RAD51B: variants seen among roughly 807,000 people sequenced by gnomAD.
RAD51B encodes the protein RAD51 paralog B.
In RAD51B, 38 loss-of-function variants were observed where a neutral mutation model predicts 42.2. That is an observed-to-expected ratio of 0.90 (90% CI 0.70 to 1.18). RAD51B has a LOEUF of 1.18. Among genes scored for constraint, RAD51B ranks in the 50% most tolerant of loss-of-function variants. RAD51B has a pLI of 0.00. For missense variants in RAD51B, 373 were observed against 400.7 expected (o/e 0.93, Z 0.59); for synonymous variants, 154 against 145.2 (o/e 1.06, Z -0.43).
chr14:68,482,780 G>A (rs1197818535), downstream of RAD51B, among the ~76,000 whole-genome samples: 4 of 152,108 alleles, frequency 2.6e-5, no homozygotes, highest in Admixed American at 2.0e-4. Context: ...GTGAGGGCAG[G>A]GTTCAGATGG....
intron 8 of RAD51B, among the ~76,000 whole-genome samples, chr14:68,368,110 G>C (rs1374560178): frequency 6.6e-6 from 1 of 152,200 alleles, no homozygotes; most frequent in Non-Finnish European, 1.5e-5. Flanking sequence ...TATTGCTAAA[G>C]CTAGGTAGAG....
At chr14:68,278,145 G>A (rs1485436878) in intron 7 of RAD51B, among the ~76,000 whole-genome samples, 1 of 152,192 alleles carries the variant, frequency 6.6e-6, no homozygotes, top group Non-Finnish European at 1.5e-5. Context: ...GGCAATACTA[G>A]TTGCCCTAGA....
intron 4 of RAD51B, among the ~76,000 whole-genome samples, chr14:67,839,926 G>T (rs2140306655): frequency 6.6e-6 from 1 of 151,736 alleles, no homozygotes; most frequent in South Asian, 2.1e-4. Context: ...TGTATCATTT[G>T]GAATTTTAAA....
intron 8 of RAD51B, among the ~76,000 whole-genome samples, chr14:68,304,622 A>G (rs1243681412): frequency 6.6e-6 from 1 of 152,248 alleles, no homozygotes; most frequent in East Asian, 1.9e-4. Flanking sequence ...GTGTGTTTTA[A>G]CAGAAGCTGA....
At chr14:68,236,789 C>T (rs1230060733) in intron 7 of RAD51B, among the ~76,000 whole-genome samples, 1 of 152,144 alleles carries the variant, frequency 6.6e-6, no homozygotes, top group Non-Finnish European at 1.5e-5. Context: ...TTCTCTGAAA[C>T]GCAAACATGT....
chr14:68,388,117 G>A (rs2083648048), intron 8 of RAD51B, among the ~76,000 whole-genome samples: 1 of 137,568 alleles, frequency 7.3e-6, no homozygotes, highest in East Asian at 2.1e-4. Flanking sequence ...TTTAATTGAG[G>A]CAGCCTCTCT....
At chr14:67,968,810 T>A (rs771345915) in intron 7 of RAD51B, among the ~76,000 whole-genome samples, 1 of 152,212 alleles carries the variant, frequency 6.6e-6, no homozygotes, top group Non-Finnish European at 1.5e-5. Flanking sequence ...CTTCCAAAGT[T>A]GCTTCCACAT....
At chr14:67,968,161 G>A (rs1175774740) in intron 7 of RAD51B, among the ~76,000 whole-genome samples, 1 of 152,188 alleles carries the variant, frequency 6.6e-6, no homozygotes, top group Non-Finnish European at 1.5e-5. Context: ...GGGATGCAGG[G>A]CACCAAGTCC....
chr14:68,042,570 T>G (rs2076234141), intron 7 of RAD51B, among the ~76,000 whole-genome samples: 2 of 152,220 alleles, frequency 1.3e-5, no homozygotes, highest in African/African-American at 4.8e-5. Context: ...TGAAGGGTTT[T>G]TTTTCCTTTC....
At chr14:67,925,502 A>T (rs1469366047) in intron 7 of RAD51B, among the ~76,000 whole-genome samples, 1 of 151,988 alleles carries the variant, frequency 6.6e-6, no homozygotes, top group Non-Finnish European at 1.5e-5. Flanking sequence ...CGAACTCCTG[A>T]CCTTGTGATC....
chr14:67,962,131 T>C (rs2074682928), intron 7 of RAD51B, among the ~76,000 whole-genome samples: 1 of 152,164 alleles, frequency 6.6e-6, no homozygotes, highest in Non-Finnish European at 1.5e-5. Context: ...ACTAAAAATT[T>C]AATGGTTTGG....
At chr14:68,571,424 T>C (rs2525506) in intron 10 of RAD51B, among the ~76,000 whole-genome samples, 10,723 of 152,224 alleles carry the variant, frequency 0.07, 437 homozygotes, top group African/African-American at 0.11. Flanking sequence ...TGTTGTCTTG[T>C]TTTTTCCAGC....
At chr14:68,003,480 C>T (rs1355587979) in intron 7 of RAD51B, among the ~76,000 whole-genome samples, 3 of 152,294 alleles carry the variant, frequency 2.0e-5, no homozygotes, top group East Asian at 3.9e-4. Context: ...GATAGTTTGA[C>T]TTCCTCTCTT....
chr14:68,405,405 C>T (rs1034405428), intron 8 of RAD51B, among the ~76,000 whole-genome samples: 3 of 152,146 alleles, frequency 2.0e-5, no homozygotes, highest in African/African-American at 4.8e-5. Flanking sequence ...GATCATACTA[C>T]TGCATTCCAG....
chr14:67,925,763 G>A (rs550841644), intron 7 of RAD51B, among the ~76,000 whole-genome samples: 112 of 152,340 alleles, frequency 7.4e-4, no homozygotes, highest in South Asian at 2.1e-3. Flanking sequence ...AACATCTTCT[G>A]AAATCTAGGC....
intron 7 of RAD51B, among the ~76,000 whole-genome samples, chr14:68,189,061 C>T (rs2140901545): frequency 6.6e-6 from 1 of 152,104 alleles, no homozygotes; most frequent in South Asian, 2.1e-4. Context: ...CTTACCAGTC[C>T]TAATCTTTCT....
At chr14:67,949,724 A>G (rs1073024) in intron 7 of RAD51B, among the ~76,000 whole-genome samples, 10,791 of 152,240 alleles carry the variant, frequency 0.071, 947 homozygotes, top group African/African-American at 0.21. Flanking sequence ...CAGAAATAGC[A>G]TTACGAAATG....
intron 8 of RAD51B, among the ~76,000 whole-genome samples, chr14:68,314,004 C>T (rs1252406987): frequency 6.6e-6 from 1 of 152,180 alleles, no homozygotes; most frequent in Non-Finnish European, 1.5e-5. Flanking sequence ...TAGAATACTG[C>T]TGTGTGCCAG....
chr14:67,895,990 A>G (rs533064921), intron 7 of RAD51B, among the ~76,000 whole-genome samples: 1 of 152,138 alleles, frequency 6.6e-6, no homozygotes, highest in Non-Finnish European at 1.5e-5. Flanking sequence ...CTTAACTTCT[A>G]ATTGGAACTT....
Sources: gnomAD v4.1 joint callset for allele counts (sites outside exome capture counted in the v4.1 genomes callset) on GRCh38, gnomAD v4.1.1 for gene constraint, MANE v1.5 for transcripts, NCBI Gene and HGNC (gene_info 2026-07-23, HGNC 2026-07-21) for gene names.